Variants in CUBN observed in about 807,000 individuals in gnomAD.
CUBN encodes the protein cubilin, also known as 460 kDa receptor.
In CUBN, 282 loss-of-function variants were observed where a neutral mutation model predicts 405.3. That is an observed-to-expected ratio of 0.70 (90% CI 0.63 to 0.77). The LOEUF (loss-of-function observed/expected upper bound fraction) is 0.77. Among genes scored for constraint, CUBN ranks in the 30% least tolerant of loss-of-function variants. The pLI is 0.00. For synonymous variants in CUBN, 1,684 were observed against 1,617.0 expected (o/e 1.04, Z -0.99); for missense variants, 4,514 against 4,475.2 (o/e 1.01, Z -0.25).
chr10:16,890,268 C>G (rs1840963879), intron 55 of CUBN, 103 bp downstream of exon 55: 14 of 1,073,014 alleles, frequency 1.3e-5, no homozygotes, highest in Non-Finnish European at 1.7e-5. Flanking sequence ...CCCCGTAGAC[C>G]CCCATACTCC....
Position 16,836,398 on chromosome 10 carries a change from AG to A in CUBN, c.10033-17del. On this transcript the variant is annotated splice_polypyrimidine_tract_variant and intron_variant, in intron 62 of 66. Transcript: ENST00000377833. Reference sequence around the variant, plus strand: ...TTCCGTGACCCTGAAATGAAATGGGAGCCAAATCATGTTAGATTTAGTCTTA... The same window carrying A: ...TTCCGTGACCCTGAAATGAAATGGGACCAAATCATGTTAGATTTAGTCTTA... 1 of 1,612,510 alleles carries A rather than the reference AG, an allele frequency of 6.2e-7. No individual in the cohort carries two copies. The highest frequency in any genetic ancestry group is 8.5e-7 in the Non-Finnish European group (1 of 1,178,504).
chr10:16,847,176 G>A (rs1294821391), intron 60 of CUBN, among the ~76,000 whole-genome samples: 1 of 152,132 alleles, frequency 6.6e-6, no homozygotes, highest in Non-Finnish European at 1.5e-5. Flanking sequence ...TGTTTGGCCG[G>A]GCGTGGTGGC....
rs1836466843 is a variant in CUBN, at chr10:17,100,237, G to T, written c.1533C>A (p.Val511=). 6.3e-7 allele frequency: 1 copy of T among 1,596,968 alleles called. No homozygotes were observed. The highest frequency in any genetic ancestry group is 8.6e-7 in the Non-Finnish European group (1 of 1,164,752). The change falls in exon 14 of 67, where the codon GTC becomes GTA. Residue 511 remains valine (V), a splice_region_variant and synonymous_variant. Coordinates refer to ENST00000377833, the MANE Select transcript of CUBN (RefSeq NM_001081.4). ...FWVIKTEMGK[V]LRITFTFFRL... Reference sequence around the variant, plus strand: ...GGAAAAAAGTGAAAGTGATACGCAGGACCTAAAAATACAAAGGCCACATAT... The same window carrying T: ...GGAAAAAAGTGAAAGTGATACGCAGTACCTAAAAATACAAAGGCCACATAT...
At chr10:17,106,981 A>T (rs1836648754) in intron 10 of CUBN, among the ~76,000 whole-genome samples, 1 of 152,224 alleles carries the variant, frequency 6.6e-6, no homozygotes, top group Non-Finnish European at 1.5e-5. Flanking sequence ...AACTTCTCCC[A>T]CACTTCTGAT....
At chr10:16,830,582 T>A (rs1368841900) in intron 65 of CUBN, among the ~76,000 whole-genome samples, 1 of 152,202 alleles carries the variant, frequency 6.6e-6, no homozygotes, top group Non-Finnish European at 1.5e-5. Flanking sequence ...GAAGCACAAC[T>A]ACTCATATAT....
At chr10:16,949,696 T>C (rs1318142510) in intron 34 of CUBN, among the ~76,000 whole-genome samples, 1 of 152,144 alleles carries the variant, frequency 6.6e-6, no homozygotes, top group Admixed American at 6.6e-5. Context: ...AAATTTCTGA[T>C]AGAATGCTAC....
At chr10:17,113,618 C>A (rs1019654670) in intron 8 of CUBN, among the ~76,000 whole-genome samples, 1 of 152,180 alleles carries the variant, frequency 6.6e-6, no homozygotes, top group Non-Finnish European at 1.5e-5. Context: ...CCGCAAGATA[C>A]TCTAATGACA....
intron 31 of CUBN, among the ~76,000 whole-genome samples, chr10:16,967,530 G>C (rs1843425674): frequency 6.6e-6 from 1 of 152,112 alleles, no homozygotes; most frequent in Admixed American, 6.6e-5. Context: ...TTGTTAATAA[G>C]ACACCCGCAC....
At position 17,089,636 on chromosome 10, in the gene CUBN, C is replaced by G. The variant is rs145281747; in HGVS notation, c.1766-1291G>C. On this transcript the variant is annotated intron_variant, in intron 14 of 66. Coordinates refer to ENST00000377833, the MANE Select transcript of CUBN (RefSeq NM_001081.4). ...CTGTGGGGACATAGACATTCTCACA[C>G]ATTGCTAGAGAATGCAAGATGGTAC... Among the ~76,000 whole-genome samples the G allele has an allele frequency of 8.0e-3, 1,215 of 152,308 alleles. 17 individuals are homozygous for G. The highest frequency in any genetic ancestry group is 0.028 in the African/African-American group (1,163 of 41,562).
chr10:17,119,708 C>T (rs1229972963), intron 6 of CUBN, among the ~76,000 whole-genome samples: 2 of 152,068 alleles, frequency 1.3e-5, no homozygotes, highest in East Asian at 1.9e-4. Flanking sequence ...ACAAGAATCA[C>T]GTCTTCAGAA....
chr10:16,957,895 C>CAAAA (rs61261595), intron 31 of CUBN, among the ~76,000 whole-genome samples: 1 of 133,824 alleles, frequency 7.5e-6, no homozygotes. Flanking sequence ...ATAGACTTCT[C>CAAAA]AAAAAAAAAA....
intron 56 of CUBN, among the ~76,000 whole-genome samples, chr10:16,886,968 A>T (rs568913434): frequency 6.6e-6 from 1 of 152,208 alleles, no homozygotes; most frequent in African/African-American, 2.4e-5. Flanking sequence ...TTGTATTTTT[A>T]ACAGGGACAG....
intron 17 of CUBN, among the ~76,000 whole-genome samples, chr10:17,074,343 A>G (rs895439323): frequency 6.6e-6 from 1 of 152,170 alleles, no homozygotes; most frequent in African/African-American, 2.4e-5. Context: ...GTTAATTATT[A>G]TCACAGCAAT....
chr10:17,115,458 G>A lies in CUBN; in HGVS notation c.720+13C>T, dbSNP rs1836871110. On this transcript the variant is annotated intron_variant, in intron 7 of 66. Transcript: ENST00000377833. ...GCTCTCTGCAAGGAGGCACATTTGG[G>A]GAAGGGACCCACCTCTCCAGCTTGC... is the stretch of plus-strand genomic sequence containing the variant. 1.2e-6 allele frequency: 2 copies of A among 1,613,370 alleles called. No homozygotes were observed. Among genetic ancestry groups the A allele is most frequent in the East Asian group, 4.5e-5 (2 of 44,858 alleles).
intron 28 of CUBN, 97 bp from the exon 29 acceptor site, chr10:16,990,612 A>G (rs1471415418): frequency 4.1e-5 from 40 of 980,200 alleles, no homozygotes; most frequent in Non-Finnish European, 6.0e-5. Context: ...AAAAATATAC[A>G]ATGCTTAATT....
At chr10:16,947,162 T>C (rs1485963965) in intron 36 of CUBN, 73 bp downstream of exon 36, 1 of 1,501,366 alleles carries the variant, frequency 6.7e-7, no homozygotes. Context: ...GAGTTGCCCA[T>C]CCTATTAGCA....
chr10:16,952,202 G>T (rs886899420), intron 33 of CUBN, 74 bp downstream of exon 33: 7 of 1,021,088 alleles, frequency 6.9e-6, no homozygotes, highest in Admixed American at 1.7e-5. Context: ...AGATAAGAAG[G>T]TTACTCATAG....
At chr10:16,946,047 G>T (rs1842770134) in intron 36 of CUBN, among the ~76,000 whole-genome samples, 1 of 152,118 alleles carries the variant, frequency 6.6e-6, no homozygotes, top group Non-Finnish European at 1.5e-5. Context: ...AACAGGACAG[G>T]GTCCTCAAAA....
intron 57 of CUBN, among the ~76,000 whole-genome samples, chr10:16,875,627 G>T (rs116897261): frequency 0.025 from 3,818 of 152,248 alleles, 66 homozygotes; most frequent in Non-Finnish European, 0.04. Flanking sequence ...GTCAGATAAG[G>T]GTAGCAATCA....
Sources: allele counts gnomAD v4.1 joint callset (sites outside exome capture counted in the v4.1 genomes callset), GRCh38; gene constraint gnomAD v4.1.1; transcripts MANE v1.5; gene names NCBI Gene and HGNC (gene_info 2026-07-23, HGNC 2026-07-21).